Variants in ANO2 observed in about 807,000 individuals in gnomAD.
ANO2 encodes the protein anoctamin 2, also known as anoctamin-2.
Under a neutral mutation model 124.2 loss-of-function variants are expected in ANO2, and 101 were observed. The ratio of observed to expected loss-of-function variants is 0.81; its 90% CI spans 0.69 to 0.96. ANO2 has a LOEUF of 0.96. Among genes scored for constraint, ANO2 ranks in the 40% least tolerant of loss-of-function variants. ANO2 has a pLI of 0.00. For missense variants in ANO2, 1,293 were observed against 1,274.5 expected (o/e 1.01, Z -0.22); for synonymous variants, 486 against 482.5 (o/e 1.01, Z -0.09).
intron 14 of ANO2, among the ~76,000 whole-genome samples, chr12:5,704,697 ATGTGTGTGTG>A (rs3067798): frequency 3.4e-5 from 5 of 148,774 alleles, no homozygotes; most frequent in African/African-American, 9.9e-5. Context: ...TGGTGTGTGT[ATGTGTGTGTG>A]TGTGTGTGTG....
At chr12:5,854,230 C>T (rs1955019339) in intron 3 of ANO2, 89 bp from the exon 4 acceptor site, 3 of 1,192,852 alleles carry the variant, frequency 2.5e-6, no homozygotes, top group African/African-American at 3.1e-5. Context: ...ACAAGGAGCC[C>T]AACCCGTTGT....
intron 3 of ANO2, among the ~76,000 whole-genome samples, chr12:5,857,190 C>T (rs1955124380): frequency 1.3e-5 from 2 of 152,160 alleles, no homozygotes; most frequent in South Asian, 4.1e-4. Context: ...CCTTGTCCCC[C>T]AGGCCACTCC....
intron 10 of ANO2, among the ~76,000 whole-genome samples, chr12:5,781,144 C>T (rs1228751551): frequency 1.3e-5 from 2 of 152,222 alleles, no homozygotes; most frequent in Admixed American, 1.3e-4. Context: ...GCCCTCATAT[C>T]ACTATCAATG....
chr12:5,893,416 C>A lies in ANO2; in HGVS notation c.534+27624G>T, dbSNP rs188900343. Among the ~76,000 whole-genome samples the A allele has an allele frequency of 5.5e-3, 822 of 150,612 alleles. 6 individuals are homozygous for A. Among genetic ancestry groups the A allele is most frequent in the African/African-American group, 0.019 (798 of 41,216 alleles). ...AAAGAAAGAAAACACATAATTCCATCAAAAAGTGGGCAAAGAATCTGAAGA... is the reference window on the plus strand; with the variant it reads ...AAAGAAAGAAAACACATAATTCCATAAAAAAGTGGGCAAAGAATCTGAAGA... On this transcript the variant is annotated intron_variant, in intron 3 of 24. Coordinates refer to ENST00000682330, the MANE Select transcript of ANO2 (RefSeq NM_001364791.2).
intron 19 of ANO2, among the ~76,000 whole-genome samples, chr12:5,610,357 G>T (rs1186229849): frequency 1.2e-4 from 5 of 42,738 alleles, no homozygotes; most frequent in African/African-American, 4.2e-4. Context: ...ATATATAAAT[G>T]CATATATTTA....
At chr12:5,779,154 A>AT (rs1952313223) in intron 10 of ANO2, among the ~76,000 whole-genome samples, 1 of 152,224 alleles carries the variant, frequency 6.6e-6, no homozygotes, top group South Asian at 2.1e-4. Context: ...TTGGTTGCTA[A>AT]TCTGATTAAT....
chr12:5,681,255 C>G (rs1222690841), intron 14 of ANO2, among the ~76,000 whole-genome samples: 2 of 152,228 alleles, frequency 1.3e-5, no homozygotes, highest in Non-Finnish European at 2.9e-5. Flanking sequence ...GAAGTCACTT[C>G]CGCTATGTGG....
intron 7 of ANO2, among the ~76,000 whole-genome samples, chr12:5,818,630 T>C (rs1953690206): frequency 6.6e-6 from 1 of 151,480 alleles, no homozygotes; most frequent in Non-Finnish European, 1.5e-5. Context: ...TTTTGGGGTT[T>C]CTGGAGTTGG....
intron 14 of ANO2, among the ~76,000 whole-genome samples, chr12:5,692,787 G>T (rs899297221): frequency 1.3e-5 from 2 of 152,206 alleles, no homozygotes; most frequent in African/African-American, 4.8e-5. Context: ...AGGGCCTGAA[G>T]TTCATGAGGC....
At chr12:5,734,686 C>T (rs1225180177) in intron 13 of ANO2, among the ~76,000 whole-genome samples, 14 of 150,996 alleles carry the variant, frequency 9.3e-5, no homozygotes, top group African/African-American at 2.4e-5. Flanking sequence ...CTCACTCTGT[C>T]GCCCAGGCTG....
intron 3 of ANO2, among the ~76,000 whole-genome samples, chr12:5,912,353 C>G (rs989843983): frequency 2.0e-5 from 3 of 152,136 alleles, no homozygotes; most frequent in African/African-American, 2.4e-5. Context: ...CTGCTACTCA[C>G]CCACTTGACA....
chr12:5,811,675 T>C (rs1047962268), intron 7 of ANO2, among the ~76,000 whole-genome samples: 1 of 152,202 alleles, frequency 6.6e-6, no homozygotes, highest in Admixed American at 6.5e-5. Context: ...TTTCTTTCCA[T>C]GGCAAAGTGC....
At chr12:5,806,116 G>C (rs374863929) in intron 8 of ANO2, 23 bp from the exon 9 acceptor site, 4 of 1,608,376 alleles carry the variant, frequency 2.5e-6, no homozygotes, top group East Asian at 2.2e-5. Flanking sequence ...AGTGATGCTG[G>C]ATAAAGCCAA....
rs781480572 is a variant in ANO2, at chr12:5,732,844, G to T, written c.1435-214C>A. 8 of 1,613,694 alleles carry T rather than the reference G, an allele frequency of 5.0e-6. No individual in the cohort carries two copies. The African/African-American group carries it at 1.1e-4, about 22-fold the overall frequency. ...AAGAGACAAGGGACACACAACACTC[G>T]TTATCACACTGAAAACCAAACCTGG... On this transcript the variant is annotated intron_variant, in intron 13 of 24. Transcript: ENST00000682330.
chr12:5,668,237 T>G (rs948257124), intron 14 of ANO2, among the ~76,000 whole-genome samples: 1 of 152,330 alleles, frequency 6.6e-6, no homozygotes, highest in East Asian at 1.9e-4. Flanking sequence ...TTTTTAATAG[T>G]AGCTATTCTG....
chr12:5,716,372 T>A (rs1008412314), intron 14 of ANO2, among the ~76,000 whole-genome samples: 22 of 152,322 alleles, frequency 1.4e-4, no homozygotes, highest in African/African-American at 5.1e-4. Context: ...CTTTCCATCC[T>A]GCAGTCCAGT....
At chr12:5,620,992 C>T (rs545595054) in intron 16 of ANO2, among the ~76,000 whole-genome samples, 8 of 152,268 alleles carry the variant, frequency 5.3e-5, no homozygotes, top group Admixed American at 2.6e-4. Flanking sequence ...CCAGCCTGAA[C>T]GTGCCACATC....
chr12:5,670,057 T>A (rs1947915615), intron 14 of ANO2, among the ~76,000 whole-genome samples: 1 of 152,070 alleles, frequency 6.6e-6, no homozygotes, highest in Non-Finnish European at 1.5e-5. Context: ...AAAGGAAAAA[T>A]CAACACAGAG....
chr12:5,934,271 T>C (rs527453462), intron 1 of ANO2, among the ~76,000 whole-genome samples: 2 of 152,274 alleles, frequency 1.3e-5, no homozygotes, highest in South Asian at 4.1e-4. Flanking sequence ...GTCCACACTT[T>C]TCTCCACTAA....
Sources: gnomAD v4.1 joint callset for allele counts (sites outside exome capture counted in the v4.1 genomes callset) on GRCh38, gnomAD v4.1.1 for gene constraint, MANE v1.5 for transcripts, NCBI Gene and HGNC (gene_info 2026-07-23, HGNC 2026-07-21) for gene names.